Variants in RNF115 observed in about 807,000 individuals in gnomAD.
RNF115 encodes ring finger protein 115.
Under a neutral mutation model 39.2 loss-of-function variants are expected in RNF115, and 31 were observed. That is an observed-to-expected ratio of 0.79 (90% CI 0.59 to 1.07). The LOEUF (loss-of-function observed/expected upper bound fraction) is 1.07, where lower values mean the gene tolerates loss of function less well. Among genes scored for constraint, RNF115 ranks in the 50% least tolerant of loss-of-function variants. RNF115 has a pLI of 0.00. For missense variants in RNF115, 384 were observed against 381.7 expected, an observed-to-expected ratio of 1.01 and a Z score of -0.05; for synonymous variants, 124 against 131.0, an observed-to-expected ratio of 0.95 and a Z score of 0.37.
intron 1 of RNF115, 21 bp from the exon 2 acceptor site, chr1:145,788,987 C>A: frequency 6.6e-7 from 1 of 1,513,636 alleles, no homozygotes; most frequent in Non-Finnish European, 9.1e-7. Context: ...AAGGAAGAAA[C>A]AAATAAAACT....
intron 4 of RNF115, among the ~76,000 whole-genome samples, chr1:145,761,631 G>C (rs1344192504): frequency 6.6e-6 from 1 of 152,258 alleles, no homozygotes; most frequent in Non-Finnish European, 1.5e-5. Context: ...CGGATGCCCA[G>C]GCAAAAGTTT....
At chr1:145,790,311 T>C (rs1366865517) in intron 1 of RNF115, among the ~76,000 whole-genome samples, 1 of 151,924 alleles carries the variant, frequency 6.6e-6, no homozygotes, top group Non-Finnish European at 1.5e-5. Context: ...TGGCTAATTT[T>C]GTATTTTTAT....
chr1:145,779,363 C>G (rs1648021825), intron 3 of RNF115, among the ~76,000 whole-genome samples: 1 of 151,984 alleles, frequency 6.6e-6, no homozygotes, highest in Non-Finnish European at 1.5e-5. Flanking sequence ...TTTGTAGACA[C>G]AGGGTTTTAC....
chr1:145,803,053 ACT>A (rs1559128452), intron 1 of RNF115, among the ~76,000 whole-genome samples: 4 of 152,176 alleles, frequency 2.6e-5, no homozygotes, highest in African/African-American at 9.7e-5. Context: ...GAGTACAAAT[ACT>A]GTCCTCACTG....
In RNF115 at chr1:145,746,846, T is replaced by C. The variant is rs1657895447; in HGVS notation, c.*20A>G. 1 of 1,612,856 alleles carries C rather than the reference T, an allele frequency of 6.2e-7. No individual in the cohort carries two copies. Among genetic ancestry groups the C allele is most frequent in the African/African-American group, 1.3e-5 (1 of 75,020 alleles). ...GGTAAGATGATTACCACAGCCCTGATTCAGGTGTGGTCTTTAGCTTCAGAA... is the reference window on the plus strand; with the variant it reads ...GGTAAGATGATTACCACAGCCCTGACTCAGGTGTGGTCTTTAGCTTCAGAA... On this transcript the variant is annotated 3_prime_UTR_variant, in exon 9 of 9. Transcript: ENST00000582693.
intron 1 of RNF115, among the ~76,000 whole-genome samples, chr1:145,818,223 T>C (rs1353298485): frequency 3.9e-5 from 6 of 152,092 alleles, no homozygotes; most frequent in African/African-American, 1.2e-4. Flanking sequence ...CGGCAGTGTA[T>C]AGGCATTCCC....
intron 1 of RNF115, among the ~76,000 whole-genome samples, chr1:145,797,803 C>T (rs782801208): frequency 6.6e-6 from 1 of 152,184 alleles, no homozygotes; most frequent in Non-Finnish European, 1.5e-5. Flanking sequence ...TTCACTAACA[C>T]TCGTAATTCC....
intron 4 of RNF115, among the ~76,000 whole-genome samples, chr1:145,758,346 T>G (rs977384134): frequency 3.9e-5 from 6 of 152,142 alleles, no homozygotes; most frequent in Non-Finnish European, 8.8e-5. Flanking sequence ...GTCATGTGAG[T>G]GAGCCATCTT....
chr1:145,794,808 G>T (rs1021557103), intron 1 of RNF115, among the ~76,000 whole-genome samples: 2 of 151,860 alleles, frequency 1.3e-5, no homozygotes, highest in Admixed American at 1.3e-4. Context: ...ACAAAGTCAG[G>T]AGATTGAGAC....
chr1:145,761,444 C>T (rs2101493031), intron 4 of RNF115, among the ~76,000 whole-genome samples: 1 of 152,324 alleles, frequency 6.6e-6, no homozygotes, highest in South Asian at 2.1e-4. Flanking sequence ...GCCCTGTGTC[C>T]CAGTTGCTCC....
intron 4 of RNF115, among the ~76,000 whole-genome samples, chr1:145,767,402 A>G (rs1157449340): frequency 4.8e-5 from 7 of 146,334 alleles, no homozygotes; most frequent in Non-Finnish European, 9.0e-5. Context: ...CGCTCCCCAC[A>G]TCTCAGATGA....
chr1:145,787,342 G>T (rs1179480187), intron 2 of RNF115, among the ~76,000 whole-genome samples: 2 of 152,062 alleles, frequency 1.3e-5, no homozygotes, highest in Non-Finnish European at 2.9e-5. Flanking sequence ...GGGAGGCCAA[G>T]ATGGGCGGAT....
At chr1:145,798,967 G>A (rs587698636) in intron 1 of RNF115, among the ~76,000 whole-genome samples, 4 of 151,780 alleles carry the variant, frequency 2.6e-5, no homozygotes, top group South Asian at 2.1e-4. Context: ...TGTTCACTGT[G>A]TATGGAAACA....
At chr1:145,823,654 AT>A (rs1323998136) in intron 1 of RNF115, 117 bp downstream of exon 1, 19 of 827,952 alleles carry the variant, frequency 2.3e-5, no homozygotes, top group Non-Finnish European at 3.2e-5. Flanking sequence ...GGCAGCAGGT[AT>A]TCGGCAGACC....
intron 1 of RNF115, among the ~76,000 whole-genome samples, chr1:145,816,610 C>T (rs1262422468): frequency 1.6e-5 from 2 of 126,732 alleles, no homozygotes; most frequent in African/African-American, 2.6e-5. Context: ...CTGAAGCAGA[C>T]CTTCCCATTG....
chr1:145,811,883 C>CAAAAA (rs67086842), intron 1 of RNF115, among the ~76,000 whole-genome samples: 11 of 35,850 alleles, frequency 3.1e-4, no homozygotes, highest in African/African-American at 4.8e-4. Context: ...TTCTGTCTCA[C>CAAAAA]AAAAAAAAAA....
intron 1 of RNF115, among the ~76,000 whole-genome samples, chr1:145,804,839 G>A (rs1324174674): frequency 6.6e-6 from 1 of 152,030 alleles, no homozygotes; most frequent in Admixed American, 6.6e-5. Flanking sequence ...GGAAGTGGAG[G>A]GATGGAGATA....
chr1:145,794,160 T>G (rs1272840671), intron 1 of RNF115, among the ~76,000 whole-genome samples: 1 of 152,170 alleles, frequency 6.6e-6, no homozygotes, highest in Non-Finnish European at 1.5e-5. Context: ...TCTTCCCTCT[T>G]AAGTCGTGTC....
chr1:145,779,037 CTA>C (rs1553716930), intron 3 of RNF115, among the ~76,000 whole-genome samples: 9 of 152,100 alleles, frequency 5.9e-5, no homozygotes. Context: ...GTCTGGTGTT[CTA>C]TGTTTTCTCA....
Sources: gnomAD v4.1 joint callset for allele counts (sites outside exome capture counted in the v4.1 genomes callset) on GRCh38, gnomAD v4.1.1 for gene constraint, MANE v1.5 for transcripts, NCBI Gene and HGNC (gene_info 2026-07-23, HGNC 2026-07-21) for gene names.